Variants in TLK2 observed in about 807,000 individuals in gnomAD.
The protein encoded by TLK2 is tousled like kinase 2, also known as serine/threonine-protein kinase tousled-like 2.
A neutral mutation model predicts 117.3 loss-of-function variants in TLK2; 6 were observed. The ratio of observed to expected loss-of-function variants is 0.05; its 90% CI spans 0.03 to 0.10. TLK2 has a LOEUF of 0.10. Ranked by LOEUF, TLK2 falls within the 10% of genes least tolerant of loss-of-function variation. The probability of loss-of-function intolerance (pLI) is 1.00; values close to 1 mark genes in which losing one functional copy is unlikely to be tolerated. For synonymous variants in TLK2, 257 were observed against 316.7 expected (o/e 0.81, Z 2.00); for missense variants, 299 against 901.2 (o/e 0.33, Z 8.56).
Position 62,565,053 on chromosome 17 carries a change from G to A in TLK2, c.884G>A (p.Arg295Lys), listed in dbSNP as rs2079641539. 1 of 1,614,078 alleles carries A rather than the reference G, an allele frequency of 6.2e-7. No individual in the cohort carries two copies. Among genetic ancestry groups the A allele is most frequent in the Non-Finnish European group, 8.5e-7 (1 of 1,180,006 alleles). The stretch of plus-strand genomic sequence containing the variant: ...GATAAGAGCATGCAAGACCGCTTGA[G>A]ACTGGGCCACTTTACTACTGTCCGA... Reference protein sequence around the residue: ...CRDKSMQDRLRLGHFTTVRHG... With the variant: ...CRDKSMQDRLKLGHFTTVRHG... The change falls in exon 11 of 22, where the codon AGA (arginine) becomes AAA (lysine). Residue 295 changes from arginine to lysine, a missense_variant. Physicochemically the swap from Arg to Lys is conservative, Grantham distance 26. This residue lies in a region of TLK2 where 94 missense variants were observed against 282.6 expected (regional missense o/e 0.33). Transcript: ENST00000346027.
chr17:62,523,204 A>C (rs1436984370), intron 5 of TLK2, 27 bp downstream of exon 5: 1 of 1,596,940 alleles, frequency 6.3e-7, no homozygotes, highest in Non-Finnish European at 8.5e-7. Context: ...GAAAAAACAA[A>C]CAAACAAAAC....
intron 2 of TLK2, among the ~76,000 whole-genome samples, chr17:62,519,921 A>G (rs1419479914): frequency 6.6e-6 from 1 of 152,130 alleles, no homozygotes; most frequent in Non-Finnish European, 1.5e-5. Context: ...CCACTTGCGT[A>G]GTACCACAAC....
chr17:62,526,109 T>G (rs887697546), intron 6 of TLK2, among the ~76,000 whole-genome samples: 4 of 152,236 alleles, frequency 2.6e-5, no homozygotes, highest in Admixed American at 2.0e-4. Flanking sequence ...TATATGAATG[T>G]GGCTGAGCCT....
At chr17:62,535,013 C>T (rs1317004578) in intron 6 of TLK2, among the ~76,000 whole-genome samples, 2 of 151,200 alleles carry the variant, frequency 1.3e-5, no homozygotes, top group East Asian at 1.9e-4. Flanking sequence ...CTTAGCCTCC[C>T]GAGTATCTTG....
At chr17:62,606,075 G>A (rs1598901496) in intron 19 of TLK2, 55 bp from the exon 20 acceptor site, 2 of 679,138 alleles carry the variant, frequency 2.9e-6, no homozygotes, top group Admixed American at 3.0e-5. Context: ...TTTTGTACAT[G>A]TCTTAAACTT....
intron 19 of TLK2, among the ~76,000 whole-genome samples, chr17:62,605,911 G>A (rs2083258012): frequency 6.7e-6 from 1 of 150,126 alleles, no homozygotes; most frequent in Non-Finnish European, 1.5e-5. Flanking sequence ...GGAGGCTGAG[G>A]TGGGGAAACC....
chr17:62,530,141 G>A (rs910514680), intron 6 of TLK2, among the ~76,000 whole-genome samples: 11 of 152,180 alleles, frequency 7.2e-5, no homozygotes, highest in South Asian at 6.2e-4. Flanking sequence ...GGGCTTGGTG[G>A]CAGGTGCCTG....
intron 15 of TLK2, chr17:62,585,525 GAGACTCCGTCTCAAAAACA>G (rs2081550350): frequency 6.6e-6 from 1 of 152,412 alleles, no homozygotes; most frequent in Non-Finnish European, 1.5e-5. Flanking sequence ...GCGACAGAGC[GAGACTCCGTCTCAAAAACA>G]ACAACAACAA....
At chr17:62,594,802 A>G (rs1353330203) in intron 16 of TLK2, among the ~76,000 whole-genome samples, 2 of 68,054 alleles carry the variant, frequency 2.9e-5, no homozygotes, top group Non-Finnish European at 1.1e-4. Context: ...ACACACACAC[A>G]CACACACACA....
chr17:62,538,373 A>G (rs186149820), intron 7 of TLK2, among the ~76,000 whole-genome samples: 71 of 152,270 alleles, frequency 4.7e-4, no homozygotes, highest in African/African-American at 1.7e-3. Flanking sequence ...TTTTCCAGAA[A>G]AAACCTTGGA....
chr17:62,594,497 C>T (rs1389606078), intron 16 of TLK2, among the ~76,000 whole-genome samples: 1 of 152,104 alleles, frequency 6.6e-6, no homozygotes, highest in African/African-American at 2.4e-5. Flanking sequence ...CAAGGTGTAA[C>T]AAAACCAATT....
At chr17:62,608,981 C>T (rs1290417039) in intron 21 of TLK2, among the ~76,000 whole-genome samples, 2 of 152,190 alleles carry the variant, frequency 1.3e-5, no homozygotes, top group Non-Finnish European at 1.5e-5. Context: ...TTTTATTTAT[C>T]TCTATTTATT....
chr17:62,553,521 C>A (rs1366227267), intron 8 of TLK2, 142 bp from the exon 9 acceptor site: 5 of 646,178 alleles, frequency 7.7e-6, no homozygotes, highest in South Asian at 6.8e-5. Context: ...AAGCAGATTT[C>A]ATTTCTTAAG....
intron 7 of TLK2, among the ~76,000 whole-genome samples, chr17:62,540,893 G>A (rs990477497): frequency 5.3e-5 from 8 of 152,090 alleles, no homozygotes; most frequent in African/African-American, 1.4e-4. Flanking sequence ...CCTTAAAGTG[G>A]CCCTGCATGG....
chr17:62,487,809 GGTGGGGTTTCTTC>G (rs2072622876), intron 2 of TLK2, among the ~76,000 whole-genome samples: 1 of 151,504 alleles, frequency 6.6e-6, no homozygotes, highest in Non-Finnish European at 1.5e-5. Context: ...TTTTATTAGA[GGTGGGGTTTCTTC>G]ATGTTGGTCA....
At chr17:62,482,243 C>T (rs2071747373) in intron 2 of TLK2, among the ~76,000 whole-genome samples, 1 of 152,110 alleles carries the variant, frequency 6.6e-6, no homozygotes, top group Non-Finnish European at 1.5e-5. Flanking sequence ...GCCACTGTGC[C>T]TGGCTGAGCT....
intron 16 of TLK2, among the ~76,000 whole-genome samples, chr17:62,587,648 G>A (rs2081726074): frequency 6.6e-6 from 1 of 152,166 alleles, no homozygotes; most frequent in Non-Finnish European, 1.5e-5. Flanking sequence ...CTTAGCAGAG[G>A]GAGAAGGGAT....
At chr17:62,482,603 C>T (rs1351479158) in intron 2 of TLK2, among the ~76,000 whole-genome samples, 14 of 151,876 alleles carry the variant, frequency 9.2e-5, no homozygotes, top group Non-Finnish European at 1.9e-4. Flanking sequence ...GCATGCACCA[C>T]CATGCCTGGT....
At chr17:62,557,775 T>C (rs1016802746) in intron 9 of TLK2, among the ~76,000 whole-genome samples, 6 of 152,210 alleles carry the variant, frequency 3.9e-5, no homozygotes, top group African/African-American at 1.4e-4. Flanking sequence ...AAGATTGAGA[T>C]GACAGAGTAT....
Sources: gnomAD v4.1 joint callset for allele counts (sites outside exome capture counted in the v4.1 genomes callset) on GRCh38, gnomAD v4.1.1 for gene constraint, gnomAD v4.1.1 regional missense constraint, MANE v1.5 for transcripts, NCBI Gene and HGNC (gene_info 2026-07-23, HGNC 2026-07-21) for gene names.